Variants in RALGPS2 observed in about 807,000 individuals in gnomAD.
The protein encoded by RALGPS2 is Ral GEF with PH domain and SH3 binding motif 2.
In RALGPS2, 43 loss-of-function variants were observed where a neutral mutation model predicts 86.8. The ratio of observed to expected loss-of-function variants is 0.50; its 90% CI spans 0.39 to 0.64. The LOEUF (loss-of-function observed/expected upper bound fraction) is 0.64, where lower values mean the gene tolerates loss of function less well. Ranked by LOEUF, RALGPS2 falls within the 30% of genes least tolerant of loss-of-function variation. The probability of loss-of-function intolerance (pLI) is 0.00; values close to 1 mark genes in which losing one functional copy is unlikely to be tolerated. For missense variants in RALGPS2, 536 were observed against 694.6 expected, an observed-to-expected ratio of 0.77 and a Z score of 2.57; for synonymous variants, 243 against 231.3, an observed-to-expected ratio of 1.05 and a Z score of -0.46.
intron 1 of RALGPS2, among the ~76,000 whole-genome samples, chr1:178,765,388 C>T (rs1033706482): frequency 6.6e-6 from 1 of 152,024 alleles, no homozygotes; most frequent in African/African-American, 2.4e-5. Flanking sequence ...CCCCCAAAGC[C>T]GCAAAACCAG....
chr1:178,916,280 C>G (rs1408848778), intron 19 of RALGPS2, 50 bp from the exon 20 acceptor site: 2 of 1,440,682 alleles, frequency 1.4e-6, no homozygotes, highest in Admixed American at 3.6e-5. Flanking sequence ...AAGAAATACT[C>G]CTTTGAAAAA....
intron 1 of RALGPS2, among the ~76,000 whole-genome samples, chr1:178,756,062 G>A (rs75481433): frequency 0.084 from 12,753 of 152,054 alleles, 1,107 homozygotes; most frequent in African/African-American, 0.22. Context: ...TAAATTTTGG[G>A]TATTAGACCT....
At position 178,839,226 on chromosome 1, in the gene RALGPS2, T is replaced by G. The variant is rs557826782; in HGVS notation, c.607+5676T>G. ...ACATAATTGCCAGATTCACCAAAGT[T>G]GAAATGAAGGAAAAAATGTTAAGGA... On this transcript the variant is annotated intron_variant, in intron 8 of 19. Transcript: ENST00000367635. Among the ~76,000 whole-genome samples the G allele has an allele frequency of 1.3e-3, 194 of 152,168 alleles. 2 individuals are homozygous for G. The highest frequency in any genetic ancestry group is 4.3e-3 in the African/African-American group (178 of 41,490).
intron 7 of RALGPS2, among the ~76,000 whole-genome samples, chr1:178,832,557 G>C (rs529503095): frequency 6.6e-6 from 1 of 151,902 alleles, no homozygotes; most frequent in Non-Finnish European, 1.5e-5. Flanking sequence ...ATACTTTTTT[G>C]TTAATCTCAT....
chr1:178,915,298 C>T (rs1188239458), intron 19 of RALGPS2, among the ~76,000 whole-genome samples: 2 of 152,090 alleles, frequency 1.3e-5, no homozygotes, highest in Non-Finnish European at 2.9e-5. Flanking sequence ...TGCAATGGTG[C>T]GATCTTGGCT....
At chr1:178,768,493 A>C (rs1200022892) in intron 1 of RALGPS2, among the ~76,000 whole-genome samples, 1 of 152,042 alleles carries the variant, frequency 6.6e-6, no homozygotes, top group Non-Finnish European at 1.5e-5. Flanking sequence ...TTTAATTGGG[A>C]TATGCAGTTC....
At chr1:178,902,248 G>C (rs142760992) in intron 18 of RALGPS2, 37 bp downstream of exon 18, 2 of 1,466,678 alleles carry the variant, frequency 1.4e-6, no homozygotes, top group Non-Finnish European at 1.9e-6. Context: ...ACGATACTGC[G>C]TATGTGTTTG....
chr1:178,902,221 TA>T lies in RALGPS2; in HGVS notation c.1630+11del. 6.3e-7 allele frequency: 1 copy of T among 1,595,458 alleles called. No individual in the cohort carries two copies. The highest frequency in any genetic ancestry group is 8.6e-7 in the Non-Finnish European group (1 of 1,163,378). On this transcript the variant is annotated intron_variant, in intron 18 of 19. Transcript: ENST00000367635. The stretch of plus-strand genomic sequence containing the variant: ...ACTGACTCTGAGAAAGGTGAATTGT[TA>T]GAATAACTGGGGCTTACGATACTGC...
intron 8 of RALGPS2, among the ~76,000 whole-genome samples, chr1:178,876,544 A>G (rs968191312): frequency 5.9e-5 from 9 of 152,354 alleles, no homozygotes; most frequent in African/African-American, 2.2e-4. Flanking sequence ...ATAGGCAGAG[A>G]TAAGTCCAGA....
chr1:178,912,684 T>G (rs1170686979), intron 19 of RALGPS2, among the ~76,000 whole-genome samples: 1 of 152,152 alleles, frequency 6.6e-6, no homozygotes, highest in East Asian at 1.9e-4. Context: ...TATAGTATCT[T>G]GTGGGGAGTC....
chr1:178,752,901 A>C (rs1651759229), intron 1 of RALGPS2, among the ~76,000 whole-genome samples: 1 of 152,176 alleles, frequency 6.6e-6, no homozygotes, highest in South Asian at 2.1e-4. Flanking sequence ...CTGTTTATGT[A>C]TGTATCCTGA....
chr1:178,857,064 A>C (rs1386049910), intron 8 of RALGPS2, among the ~76,000 whole-genome samples: 1 of 152,214 alleles, frequency 6.6e-6, no homozygotes, highest in Non-Finnish European at 1.5e-5. Flanking sequence ...AGTAGGAAGG[A>C]AGGGTAAAGA....
rs541414134 is a variant in RALGPS2, at chr1:178,844,090, G to C, written c.607+10540G>C. Among the ~76,000 whole-genome samples, 40 of 152,284 alleles carry C rather than the reference G, an allele frequency of 2.6e-4. No individual in the cohort carries two copies. In the South Asian group the frequency reaches 6.0e-3, roughly 23 times the overall value. On this transcript the variant is annotated intron_variant, in intron 8 of 19. Transcript: ENST00000367635. The stretch of plus-strand genomic sequence containing the variant: ...ATTTATAAATGCTGTACATTTGATA[G>C]AAGTTGCCCTAAGAACAATTAAAAG...
Position 178,820,136 on chromosome 1 carries a change from A to G in RALGPS2, c.388-1476A>G, listed in dbSNP as rs978895939. Among the ~76,000 whole-genome samples the G allele has an allele frequency of 1.5e-4, 23 of 152,356 alleles. 1 individual carries two copies. Among genetic ancestry groups the G allele is most frequent in the South Asian group, 4.1e-4 (2 of 4,828 alleles). On this transcript the variant is annotated intron_variant, in intron 6 of 19. Transcript: ENST00000367635. ...TAATTATTCACCTTAAGTGAGATCA[A>G]TGAAGTCTGTCATTAGCCTCACATC...
At chr1:178,909,643 A>ATTTTTTTTTTT (rs57890269) in intron 19 of RALGPS2, among the ~76,000 whole-genome samples, 3 of 72,384 alleles carry the variant, frequency 4.1e-5, no homozygotes, top group Admixed American at 1.8e-4. Flanking sequence ...TTCTTTTTTA[A>ATTTTTTTTTTT]TTTTTTTTTT....
chr1:178,911,517 G>A (rs1450901907), intron 19 of RALGPS2, among the ~76,000 whole-genome samples: 4 of 152,044 alleles, frequency 2.6e-5, no homozygotes, highest in African/African-American at 7.2e-5. Context: ...ATAATTGTGT[G>A]GTTTTGAGAA....
chr1:178,884,000 A>C (rs1377878592), intron 11 of RALGPS2, among the ~76,000 whole-genome samples: 1 of 152,136 alleles, frequency 6.6e-6, no homozygotes, highest in Non-Finnish European at 1.5e-5. Flanking sequence ...AAAAAAAAAA[A>C]TGTTGCTATA....
intron 1 of RALGPS2, among the ~76,000 whole-genome samples, chr1:178,774,799 T>A (rs1208769811): frequency 1.3e-5 from 2 of 152,224 alleles, no homozygotes; most frequent in Non-Finnish European, 2.9e-5. Context: ...GATGTTCTGC[T>A]CTTAGCAGGT....
chr1:178,874,863 G>A (rs549531698), intron 8 of RALGPS2, among the ~76,000 whole-genome samples: 7 of 152,242 alleles, frequency 4.6e-5, no homozygotes, highest in South Asian at 2.1e-4. Context: ...CAGTCTGCCC[G>A]CCTCAGCCTC....
Sources: allele counts gnomAD v4.1 joint callset (sites outside exome capture counted in the v4.1 genomes callset), GRCh38; gene constraint gnomAD v4.1.1; transcripts MANE v1.5; gene names NCBI Gene and HGNC (gene_info 2026-07-23, HGNC 2026-07-21).